KDM4C: variants seen among roughly 807,000 people sequenced by gnomAD.
KDM4C encodes the protein lysine demethylase 4C, also known as lysine-specific demethylase 4C.
In KDM4C, 81 loss-of-function variants were observed where a neutral mutation model predicts 129.3. The observed-to-expected ratio is 0.63, with a 90% CI of 0.52 to 0.75. The LOEUF (loss-of-function observed/expected upper bound fraction) is 0.75, where lower values mean the gene tolerates loss of function less well. Ranked by LOEUF, KDM4C falls within the 30% of genes least tolerant of loss-of-function variation. The pLI is 0.00. For missense variants in KDM4C, 1,457 were observed against 1,304.0 expected (o/e 1.12, Z -1.81); for synonymous variants, 573 against 456.1 (o/e 1.26, Z -3.26).
chr9:7,049,229 A>G (rs370467872), intron 17 of KDM4C, 29 bp downstream of exon 17: 88 of 1,199,058 alleles, frequency 7.3e-5, no homozygotes, highest in Non-Finnish European at 1.0e-4. Flanking sequence ...TTTTTACCTC[A>G]TAAATTAGTG....
intron 8 of KDM4C, among the ~76,000 whole-genome samples, chr9:6,924,038 C>T (rs1434806642): frequency 6.6e-6 from 1 of 152,136 alleles, no homozygotes; most frequent in Non-Finnish European, 1.5e-5. Flanking sequence ...TCCTCAGGTG[C>T]CTTAGGCGAG....
chr9:6,815,835 A>G (rs1307711039), intron 4 of KDM4C, among the ~76,000 whole-genome samples: 3 of 152,188 alleles, frequency 2.0e-5, no homozygotes, highest in Non-Finnish European at 4.4e-5. Context: ...TACTTGATCT[A>G]TAGTTAATAT....
At chr9:6,735,724 T>C (rs980987333) in intron 1 of KDM4C, among the ~76,000 whole-genome samples, 3 of 152,216 alleles carry the variant, frequency 2.0e-5, no homozygotes, top group Non-Finnish European at 2.9e-5. Context: ...GTGTCAGGTA[T>C]GTCTTTATCA....
rs969497917 is a variant in KDM4C at position 6,934,246 on chromosome 9, C to T, written c.921+41014C>T. The stretch of plus-strand genomic sequence containing the variant: ...CCGGTAATCCTATCACTTTGGGAGG[C>T]GGAGGCAGGCTGATCATGAAGTCAG... On this transcript the variant is annotated intron_variant, in intron 8 of 21. Coordinates refer to ENST00000381309, the MANE Select transcript of KDM4C (RefSeq NM_015061.6). Among the ~76,000 whole-genome samples the T allele has an allele frequency of 5.9e-5, 9 of 151,804 alleles. 1 individual carries two copies. The highest frequency in any genetic ancestry group is 1.2e-4 in the African/African-American group (5 of 41,386).
chr9:6,839,035 C>A (rs1465921723), intron 4 of KDM4C, among the ~76,000 whole-genome samples: 1 of 152,118 alleles, frequency 6.6e-6, no homozygotes, highest in Non-Finnish European at 1.5e-5. Context: ...TGCGTGTTAC[C>A]TTTGAAACTT....
intron 1 of KDM4C, among the ~76,000 whole-genome samples, chr9:6,738,383 G>A (rs1817593148): frequency 6.6e-6 from 1 of 152,144 alleles, no homozygotes; most frequent in Non-Finnish European, 1.5e-5. Flanking sequence ...GCTGAGGCAG[G>A]AGAATCGCTT....
At chr9:7,107,509 CTTT>C (rs1564126741) in intron 18 of KDM4C, among the ~76,000 whole-genome samples, 1 of 152,170 alleles carries the variant, frequency 6.6e-6, no homozygotes, top group East Asian at 1.9e-4. Context: ...ACTTAGTAAA[CTTT>C]CATATTAGGT....
At chr9:6,727,793 C>G (rs1021870418) in intron 1 of KDM4C, among the ~76,000 whole-genome samples, 3 of 147,616 alleles carry the variant, frequency 2.0e-5, no homozygotes, top group Non-Finnish European at 4.5e-5. Flanking sequence ...TTGGGGTATG[C>G]TACTCATAAG....
At chr9:7,012,860 A>C (rs1227782307) in intron 13 of KDM4C, among the ~76,000 whole-genome samples, 2 of 152,176 alleles carry the variant, frequency 1.3e-5, no homozygotes, top group African/African-American at 4.8e-5. Context: ...TATTTTATTC[A>C]AGATTATGTC....
intron 10 of KDM4C, among the ~76,000 whole-genome samples, chr9:6,986,012 A>C (rs980245132): frequency 6.6e-6 from 1 of 152,062 alleles, no homozygotes; most frequent in Non-Finnish European, 1.5e-5. Context: ...TTTCTCTTAC[A>C]CTGTGTTTAA....
chr9:6,867,383 C>G (rs902539311), intron 5 of KDM4C, among the ~76,000 whole-genome samples: 2 of 152,096 alleles, frequency 1.3e-5, no homozygotes, highest in Admixed American at 6.5e-5. Flanking sequence ...GCTTCTATAG[C>G]ACCATTTTGG....
chr9:6,730,578 G>C (rs1305907352), intron 1 of KDM4C, among the ~76,000 whole-genome samples: 1 of 150,732 alleles, frequency 6.6e-6, no homozygotes, highest in Non-Finnish European at 1.5e-5. Flanking sequence ...TCGTGCCACT[G>C]CACTCCAGCC....
In KDM4C at chr9:6,874,992, G is replaced by T. The variant is rs149940850; in HGVS notation, c.630-5020G>T. 4.4e-4 allele frequency among the ~76,000 whole-genome samples: 66 copies of T among 151,722 alleles called. No individual in the cohort carries two copies. The East Asian group carries it at 0.012, about 28-fold the overall frequency. On this transcript the variant is annotated intron_variant, in intron 5 of 21. Coordinates refer to ENST00000381309, the MANE Select transcript of KDM4C (RefSeq NM_015061.6). Reference sequence around the variant, plus strand: ...GGAGACATTTAGGTCTTGGGAGTTTGACTGAAGTAGACGTTTGATTGAGGA... The same window carrying T: ...GGAGACATTTAGGTCTTGGGAGTTTTACTGAAGTAGACGTTTGATTGAGGA...
chr9:7,126,757 C>G (rs896821245), intron 18 of KDM4C, among the ~76,000 whole-genome samples: 3 of 151,976 alleles, frequency 2.0e-5, no homozygotes, highest in Non-Finnish European at 4.4e-5. Context: ...CACTGCCCCT[C>G]TAAACTGAAC....
intron 3 of KDM4C, among the ~76,000 whole-genome samples, chr9:6,812,073 T>G (rs1441999154): frequency 1.3e-5 from 2 of 152,054 alleles, no homozygotes; most frequent in African/African-American, 4.8e-5. Context: ...TCTTTCTCTC[T>G]TAGAGTTATG....
chr9:6,855,458 C>CAA (rs34177301), intron 5 of KDM4C, among the ~76,000 whole-genome samples: 2,721 of 69,834 alleles, frequency 0.039, 254 homozygotes, highest in African/African-American at 0.051. Flanking sequence ...GACTCCGTCT[C>CAA]AAAAAAAAAA....
At chr9:7,117,041 C>G (rs1324118231) in intron 18 of KDM4C, among the ~76,000 whole-genome samples, 1 of 152,140 alleles carries the variant, frequency 6.6e-6, no homozygotes, top group Non-Finnish European at 1.5e-5. Flanking sequence ...GTGTGTGGTA[C>G]ATATTATGAT....
chr9:6,778,336 C>T (rs1035900001), intron 1 of KDM4C, among the ~76,000 whole-genome samples: 9 of 151,372 alleles, frequency 5.9e-5, no homozygotes, highest in Admixed American at 2.6e-4. Flanking sequence ...GTGATCCTCC[C>T]GCTTGGGCCT....
chr9:6,772,261 T>C (rs778645728), intron 1 of KDM4C, among the ~76,000 whole-genome samples: 1 of 152,104 alleles, frequency 6.6e-6, no homozygotes, highest in Admixed American at 6.6e-5. Flanking sequence ...GCAATTCTGC[T>C]GCCTCAGCCT....
Sources: gnomAD v4.1 joint callset for allele counts (sites outside exome capture counted in the v4.1 genomes callset) on GRCh38, gnomAD v4.1.1 for gene constraint, MANE v1.5 for transcripts, NCBI Gene and HGNC (gene_info 2026-07-23, HGNC 2026-07-21) for gene names.